The following DPP10 variants were observed in gnomAD, a reference collection of about 807,000 sequenced individuals.
The protein encoded by DPP10 is dipeptidyl peptidase like 10, also known as inactive dipeptidyl peptidase 10.
Under a neutral mutation model 120.9 loss-of-function variants are expected in DPP10, and 33 were observed. The ratio of observed to expected loss-of-function variants is 0.27; its 90% CI spans 0.21 to 0.37. The LOEUF is 0.37. Ranked by LOEUF, DPP10 falls within the 10% of genes least tolerant of loss-of-function variation. DPP10 has a pLI of 1.00. For synonymous variants in DPP10, 337 were observed against 326.1 expected (o/e 1.03, Z -0.36); for missense variants, 816 against 942.8 (o/e 0.87, Z 1.76).
intron 1 of DPP10, among the ~76,000 whole-genome samples, chr2:114,632,244 T>C (rs1178574282): frequency 6.6e-6 from 1 of 152,084 alleles, no homozygotes; most frequent in Non-Finnish European, 1.5e-5. Context: ...GTTTTTCCTT[T>C]GTAGTTCATA....
At chr2:114,822,685 C>A (rs10171811) in intron 1 of DPP10, among the ~76,000 whole-genome samples, 11 of 151,878 alleles carry the variant, frequency 7.2e-5, no homozygotes, top group Non-Finnish European at 1.5e-4. Flanking sequence ...TGTATACATG[C>A]GCCATGTTAT....
intron 1 of DPP10, among the ~76,000 whole-genome samples, chr2:114,465,559 A>T (rs966918854): frequency 6.6e-6 from 1 of 152,000 alleles, no homozygotes; most frequent in Non-Finnish European, 1.5e-5. Flanking sequence ...AGCACATGTT[A>T]AAAAAACAAT....
chr2:115,286,526 A>ATATATATTACATATATAATAT (rs10675008), intron 1 of DPP10, among the ~76,000 whole-genome samples: 5 of 60,946 alleles, frequency 8.2e-5, no homozygotes, highest in African/African-American at 2.7e-4. Flanking sequence ...ATATATATAT[A>ATATATATTACATATATAATAT]ATATATATAT....
chr2:115,784,713 A>T (rs1559150013), intron 17 of DPP10, among the ~76,000 whole-genome samples: 1 of 152,036 alleles, frequency 6.6e-6, no homozygotes, highest in Non-Finnish European at 1.5e-5. Context: ...TTGTATTTTT[A>T]GTAGAGACGG....
At chr2:114,681,097 AC>A (rs1698997493) in intron 1 of DPP10, among the ~76,000 whole-genome samples, 2 of 151,922 alleles carry the variant, frequency 1.3e-5, no homozygotes, top group African/African-American at 4.8e-5. Context: ...TTCCAGTTCT[AC>A]CCCTTTTGCA....
intron 2 of DPP10, among the ~76,000 whole-genome samples, chr2:115,330,793 T>G (rs78031425): frequency 9.2e-5 from 14 of 151,844 alleles, no homozygotes; most frequent in South Asian, 4.1e-4. Flanking sequence ...ATATCTCTGT[T>G]TTGGTACGAG....
At chr2:115,376,102 G>A (rs1414440470) in intron 3 of DPP10, among the ~76,000 whole-genome samples, 4 of 152,138 alleles carry the variant, frequency 2.6e-5, no homozygotes, top group Non-Finnish European at 4.4e-5. Context: ...AATTGTCTTG[G>A]TGGAGCTATA....
intron 3 of DPP10, among the ~76,000 whole-genome samples, chr2:115,388,808 A>G (rs940071084): frequency 3.3e-5 from 5 of 152,188 alleles, no homozygotes; most frequent in Admixed American, 1.3e-4. Flanking sequence ...ACATTCCACA[A>G]AGAATTTCCA....
At chr2:115,746,456 AC>A (rs1353773395) in intron 10 of DPP10, among the ~76,000 whole-genome samples, 1 of 152,182 alleles carries the variant, frequency 6.6e-6, no homozygotes, top group Non-Finnish European at 1.5e-5. Context: ...AGAGATGGGA[AC>A]AAAAGATCAT....
intron 1 of DPP10, among the ~76,000 whole-genome samples, chr2:114,705,089 T>G (rs1302309486): frequency 6.6e-6 from 1 of 152,128 alleles, no homozygotes; most frequent in Non-Finnish European, 1.5e-5. Flanking sequence ...GTATATGGTA[T>G]TATGTTATGG....
At chr2:115,693,264 T>C (rs748592022) in intron 7 of DPP10, among the ~76,000 whole-genome samples, 1 of 152,164 alleles carries the variant, frequency 6.6e-6, no homozygotes, top group African/African-American at 2.4e-5. Flanking sequence ...TAAATATGAA[T>C]GTGCAGGGTT....
chr2:115,172,938 TAG>T (rs996317372), intron 1 of DPP10, among the ~76,000 whole-genome samples: 1 of 152,198 alleles, frequency 6.6e-6, no homozygotes, highest in African/African-American at 2.4e-5. Context: ...GCAGATTATA[TAG>T]AGTCCTCCTG....
At chr2:115,176,337 T>C (rs1355566692) in intron 1 of DPP10, among the ~76,000 whole-genome samples, 1 of 148,076 alleles carries the variant, frequency 6.8e-6, no homozygotes, top group Admixed American at 6.8e-5. Context: ...TTTATATTTA[T>C]AATATTTATA....
intron 1 of DPP10, among the ~76,000 whole-genome samples, chr2:114,914,393 T>C (rs981905305): frequency 1.3e-5 from 2 of 152,184 alleles, no homozygotes; most frequent in African/African-American, 4.8e-5. Context: ...AGAAGAGTAA[T>C]GCCTATATTC....
At chr2:114,789,021 A>T (rs1488417521) in intron 1 of DPP10, among the ~76,000 whole-genome samples, 1 of 152,168 alleles carries the variant, frequency 6.6e-6, no homozygotes, top group Non-Finnish European at 1.5e-5. Context: ...ATATCTTTGG[A>T]AAATTAGCTT....
intron 3 of DPP10, among the ~76,000 whole-genome samples, chr2:115,433,177 G>T (rs116717349): frequency 6.6e-6 from 1 of 151,798 alleles, no homozygotes; most frequent in Non-Finnish European, 1.5e-5. Flanking sequence ...TCCCTTTCTC[G>T]TAATGTAACA....
intron 1 of DPP10, among the ~76,000 whole-genome samples, chr2:114,688,646 G>C (rs191538705): frequency 2.0e-3 from 305 of 152,130 alleles, no homozygotes; most frequent in African/African-American, 7.0e-3. Flanking sequence ...AAATGCGGAA[G>C]AAAGCAAGCT....
intron 1 of DPP10, among the ~76,000 whole-genome samples, chr2:114,990,469 C>T (rs1700693938): frequency 6.6e-6 from 1 of 152,062 alleles, no homozygotes; most frequent in Non-Finnish European, 1.5e-5. Context: ...TCATTACCTA[C>T]AATTTGTTTG....
chr2:115,273,664 G>A (rs559293453), intron 1 of DPP10, among the ~76,000 whole-genome samples: 7 of 152,278 alleles, frequency 4.6e-5, no homozygotes, highest in Non-Finnish European at 7.4e-5. Context: ...AAGAGCTCTC[G>A]CAAACAGGTA....
Sources: gnomAD v4.1 joint callset for allele counts (sites outside exome capture counted in the v4.1 genomes callset) on GRCh38, gnomAD v4.1.1 for gene constraint, MANE v1.5 for transcripts, NCBI Gene and HGNC (gene_info 2026-07-23, HGNC 2026-07-21) for gene names.